SMARCD3: variants seen among roughly 807,000 people sequenced by gnomAD.
SMARCD3 encodes SWI/SNF-related matrix-associated actin-dependent regulator of chromatin subfamily D member 3.
A neutral mutation model predicts 58.0 loss-of-function variants in SMARCD3; 14 were observed. The ratio of observed to expected loss-of-function variants is 0.24; its 90% CI spans 0.16 to 0.38. The LOEUF (loss-of-function observed/expected upper bound fraction) is 0.38. SMARCD3 is among the 10% of genes least tolerant of loss of function. SMARCD3 has a pLI of 1.00. For synonymous variants in SMARCD3, 253 were observed against 253.8 expected (o/e 1.00, Z 0.03); for missense variants, 408 against 636.9 (o/e 0.64, Z 3.87).
In SMARCD3 at chr7:151,238,968, G is replaced by T; in HGVS notation, c.*135C>A. 1.8e-6 allele frequency: 2 copies of T among 1,096,692 alleles called. No individual in the cohort carries two copies. Among genetic ancestry groups the T allele is most frequent in the Middle Eastern group, 2.7e-4 (1 of 3,746 alleles). The allele number at this position is 1,096,692 out of a possible 1,614,324, so 67.9% of individuals were successfully genotyped here. A position where few individuals can be genotyped will look rare whatever the true frequency, so the allele number is the denominator to read the frequency against. On this transcript the variant is annotated 3_prime_UTR_variant, in exon 13 of 13. Transcript: ENST00000262188. ...CTCCCCAGTTTCCAATGACCACACG[G>T]CTGCTGTCAGATGAATGACTTTTAA...
At chr7:151,257,559 T>C (rs1017048971) in intron 2 of SMARCD3, among the ~76,000 whole-genome samples, 2 of 152,026 alleles carry the variant, frequency 1.3e-5, no homozygotes, top group African/African-American at 2.4e-5. Context: ...ACTCCTGACC[T>C]TGTGATCCGC....
chr7:151,240,689 C>T (rs972954158), intron 8 of SMARCD3, 167 bp from the exon 9 acceptor site: 9 of 354,582 alleles, frequency 2.5e-5, no homozygotes, highest in East Asian at 5.6e-5. Flanking sequence ...GTGGAGCCAC[C>T]GGTATGGCTG....
rs762524952 is a variant in SMARCD3, at chr7:151,239,367, GA to G, written c.1398+28del. On this transcript the variant is annotated intron_variant, in intron 12 of 12. Transcript: ENST00000262188. This position sits in a 1 kb window ranked among gnomAD's most constrained non-coding sequence, Gnocchi z 7.0. ...GGTTTCTCTTGGAGTTGAGGATGGG[GA>G]AGCCTCAGGGCAAGGGTCCCTGCAT... 6.4e-7 allele frequency: 1 copy of G among 1,560,054 alleles called. No individual in the cohort carries two copies. The highest frequency in any genetic ancestry group is 1.7e-5 in the Admixed American group (1 of 59,880).
chr7:151,245,496 C>T lies in SMARCD3; in HGVS notation c.254G>A (p.Gly85Asp). 8.2e-7 allele frequency: 1 copy of T among 1,225,668 alleles called. No individual in the cohort carries two copies. Among genetic ancestry groups the T allele is most frequent in the Non-Finnish European group, 1.0e-6 (1 of 983,732 alleles). 75.9% of individuals were successfully genotyped at this position (1,225,668 alleles called of 1,614,324 possible). ...PPGQSQAQSQ[G>D]QPVPTAPARS... ...CGCGGGGGCGGTGGGCACCGGCTGG[C>T]CCTGGCTCTGTGCCTGGCTCTGCCC... Residue 85 changes from glycine to aspartate, a missense_variant, in exon 2 of 13, where the codon GGC becomes GAC. Coordinates refer to ENST00000262188, the MANE Select transcript of SMARCD3 (RefSeq NM_001003801.2). The surrounding 1 kb of genome is among the most constrained non-coding windows in gnomAD (Gnocchi z 6.2).
intron 2 of SMARCD3, among the ~76,000 whole-genome samples, chr7:151,255,930 G>T (rs548048983): frequency 8.6e-5 from 13 of 151,664 alleles, no homozygotes; most frequent in Admixed American, 5.9e-4. Context: ...ACTCAGGCTG[G>T]AGTGCAGTGG....
intron 2 of SMARCD3, among the ~76,000 whole-genome samples, chr7:151,274,655 C>A (rs904667316): frequency 6.6e-6 from 1 of 152,178 alleles, no homozygotes; most frequent in African/African-American, 2.4e-5. Context: ...CCTTCCAGCT[C>A]GCAGAGAGCA....
At position 151,241,619 on chromosome 7, in the gene SMARCD3, C is replaced by T. The variant is rs1167680279; in HGVS notation, c.812G>A (p.Arg271Gln). Residue 271 changes from arginine to glutamine, a missense_variant, in exon 8 of 13, where the codon CGG becomes CAG. Arg to Gln is a conservative substitution (Grantham distance 43). Transcript: ENST00000262188. The surrounding 1 kb of genome is among the most constrained non-coding windows in gnomAD (Gnocchi z 5.3). ...PQFKLDPRLA[R>Q]LLGLHTQSRS... Reference sequence around the variant, plus strand: ...GCTCTGTGTGTGCAGCCCCAGCAGCCGGGCTAGGCGGGGATCCAGTTTGAA... The same window carrying T: ...GCTCTGTGTGTGCAGCCCCAGCAGCTGGGCTAGGCGGGGATCCAGTTTGAA... 3 of 1,611,426 alleles carry T rather than the reference C, an allele frequency of 1.9e-6. No homozygotes were observed. The highest frequency in any genetic ancestry group is 2.5e-6 in the Non-Finnish European group (3 of 1,178,788).
chr7:151,240,118 G>C lies in SMARCD3; in HGVS notation c.1167C>G (p.Asp389Glu). 1 of 1,613,636 alleles carries C rather than the reference G, an allele frequency of 6.2e-7. No individual in the cohort carries two copies. The highest frequency in any genetic ancestry group is 8.5e-7 in the Non-Finnish European group (1 of 1,179,984). ...TANQQEISAL[D>E]SKIHETIESI... ...CTCTGGGCTTGGGCCCCACCTTACT[G>C]TCCAGAGCACTGATCTCCTGCTGGT... Residue 389 changes from aspartate (D) to glutamate (E), a missense_variant, in exon 10 of 13, where the codon GAC becomes GAG. Physicochemically the swap from Asp to Glu is conservative, Grantham distance 45 (BLOSUM62 2). Around this residue, in one of 4 missense-constraint regions of SMARCD3, gnomAD observed 115 missense variants for 257.2 expected, o/e 0.45. Coordinates refer to ENST00000262188, the MANE Select transcript of SMARCD3 (RefSeq NM_001003801.2).
At chr7:151,271,916 AC>A (rs1167803326) in intron 2 of SMARCD3, among the ~76,000 whole-genome samples, 1 of 152,214 alleles carries the variant, frequency 6.6e-6, no homozygotes, top group Admixed American at 6.5e-5. Context: ...CCATGATCAC[AC>A]CACTGCACTC....
Position 151,259,617 on chromosome 7 carries a change from T to TTTG in SMARCD3, c.40-13947_40-13946insCAA, listed in dbSNP as rs1563682635. Among the ~76,000 whole-genome samples, 652 of 120,772 alleles carry TTTG rather than the reference T, an allele frequency of 5.4e-3. 21 individuals are homozygous for TTTG. The highest frequency in any genetic ancestry group is 0.019 in the African/African-American group (611 of 31,560). The allele number at this position is 120,772 out of a possible 152,430, so 79.2% of individuals were successfully genotyped here. The stretch of plus-strand genomic sequence containing the variant: ...AACCTGAGAGTTTTTTTTTTTTTTT[T>TTTG]TTTTTTTTTGAGACGGACTTTCACT... On this transcript the variant is annotated intron_variant, in intron 2 of 13. Coordinates refer to the SMARCD3 transcript ENST00000356800.
intron 2 of SMARCD3, among the ~76,000 whole-genome samples, chr7:151,256,480 C>T (rs1258295074): frequency 6.6e-6 from 1 of 152,238 alleles, no homozygotes; most frequent in East Asian, 1.9e-4. Context: ...CCCTTGTGTA[C>T]ACTCTTGACT....
Position 151,243,509 on chromosome 7 carries a change from C to G in SMARCD3, c.333+150G>C. ...CTTCCCTCCACCTCACCCCCTCCCTCTGGCCTGCGGAGCCTCACTTATTAA... is the reference window on the plus strand; with the variant it reads ...CTTCCCTCCACCTCACCCCCTCCCTGTGGCCTGCGGAGCCTCACTTATTAA... On this transcript the variant is annotated intron_variant, in intron 3 of 12. Coordinates refer to ENST00000262188, the MANE Select transcript of SMARCD3 (RefSeq NM_001003801.2). This position sits in a 1 kb window ranked among gnomAD's most constrained non-coding sequence, Gnocchi z 4.4. The G allele has an allele frequency of 1.5e-6, 1 of 652,890 alleles. No homozygotes were observed. The highest frequency in any genetic ancestry group is 1.8e-5 in the African/African-American group (1 of 55,934). 40.4% of individuals were successfully genotyped at this position (652,890 alleles called of 1,614,324 possible).
upstream of SMARCD3, among the ~76,000 whole-genome samples, chr7:151,250,427 T>C (rs577411881): frequency 7.2e-5 from 11 of 152,042 alleles, 1 homozygote; most frequent in South Asian, 2.3e-3. Flanking sequence ...GCTGGGAACC[T>C]GGGGAAGTGA....
At chr7:151,258,362 C>T (rs529175630) in intron 2 of SMARCD3, among the ~76,000 whole-genome samples, 7 of 152,034 alleles carry the variant, frequency 4.6e-5, no homozygotes, top group East Asian at 1.9e-4. Flanking sequence ...GTCAGGAGTT[C>T]GAGAGCAGCC....
intron 2 of SMARCD3, among the ~76,000 whole-genome samples, chr7:151,258,664 G>A (rs547989288): frequency 1.6e-4 from 24 of 151,948 alleles, no homozygotes; most frequent in Admixed American, 6.6e-4. Context: ...TCCGAGCAAG[G>A]GCCAAGGTCC....
At position 151,238,947 on chromosome 7, in the gene SMARCD3, C is replaced by T. The variant is rs1371183372; in HGVS notation, c.*156G>A. On this transcript the variant is annotated 3_prime_UTR_variant, in exon 13 of 13. Coordinates refer to ENST00000262188, the MANE Select transcript of SMARCD3 (RefSeq NM_001003801.2). Reference sequence around the variant, plus strand: ...TTCCCCTTCTCTCCCCCTCCCCTCCCCAGTTTCCAATGACCACACGGCTGC... The same window carrying T: ...TTCCCCTTCTCTCCCCCTCCCCTCCTCAGTTTCCAATGACCACACGGCTGC... The T allele has an allele frequency of 1.5e-5, 16 of 1,069,296 alleles. No homozygotes were observed. Among genetic ancestry groups the T allele is most frequent in the Admixed American group, 2.0e-5 (1 of 50,950 alleles). 66.2% of individuals were successfully genotyped at this position (1,069,296 alleles called of 1,614,324 possible). A position where few individuals can be genotyped will look rare whatever the true frequency, so the allele number is the denominator to read the frequency against.
In SMARCD3 at chr7:151,240,418, A is replaced by C; in HGVS notation, c.1037+7T>G. 1 of 1,611,680 alleles carries C rather than the reference A, an allele frequency of 6.2e-7. No individual in the cohort carries two copies. On this transcript the variant is annotated splice_region_variant and intron_variant, in intron 9 of 12. Transcript: ENST00000262188. ...CTGGTCTGAGAAGCAAGCTGGGGCC[A>C]CCTCACCTGATGACATGGTTGATGA...
chr7:151,251,301 GCA>G (rs139830935), upstream of SMARCD3, among the ~76,000 whole-genome samples: 375 of 152,164 alleles, frequency 2.5e-3, 2 homozygotes, highest in African/African-American at 8.6e-3. Context: ...GATACACCTT[GCA>G]CACACACCCT....
At chr7:151,277,126 G>T (rs917396823), upstream of SMARCD3, 6 of 150,800 alleles carry the variant, frequency 4.0e-5, no homozygotes, top group Non-Finnish European at 7.4e-5. Flanking sequence ...CTCCCTGCTC[G>T]GCGCTCGGCT....
Sources: gnomAD v4.1 joint callset for allele counts (sites outside exome capture counted in the v4.1 genomes callset) on GRCh38, gnomAD v4.1.1 for gene constraint, gnomAD v4.1.1 regional missense constraint, Gnocchi (gnomAD v3.1) non-coding constraint, MANE v1.5 for transcripts, NCBI Gene and HGNC (gene_info 2026-07-23, HGNC 2026-07-21) for gene names.